The following CTNND2 variants were observed in gnomAD, a reference collection of about 807,000 sequenced individuals.
The protein encoded by CTNND2 is catenin delta 2.
Under a neutral mutation model 144.4 loss-of-function variants are expected in CTNND2, and 22 were observed. The ratio of observed to expected loss-of-function variants is 0.15; its 90% CI spans 0.11 to 0.22. CTNND2 has a LOEUF of 0.22. CTNND2 is among the 10% of genes least tolerant of loss of function. CTNND2 has a pLI of 1.00. For missense variants in CTNND2, 1,353 were observed against 1,618.8 expected (o/e 0.84, Z 2.82); for synonymous variants, 751 against 695.6 (o/e 1.08, Z -1.25).
intron 16 of CTNND2, among the ~76,000 whole-genome samples, chr5:11,054,088 A>T (rs778129058): frequency 1.1e-4 from 16 of 152,222 alleles, no homozygotes; most frequent in South Asian, 2.1e-4. Context: ...TTTTCACAGA[A>T]CAGAGGTGCT....
At chr5:11,425,209 A>G (rs980979783) in intron 3 of CTNND2, among the ~76,000 whole-genome samples, 4 of 152,208 alleles carry the variant, frequency 2.6e-5, no homozygotes, top group African/African-American at 7.2e-5. Context: ...GAGACCTCAC[A>G]CAATATACTT....
chr5:11,565,125 T>A (rs769397616), intron 2 of CTNND2, 69 bp from the exon 3 acceptor site: 1 of 1,014,406 alleles, frequency 9.9e-7, no homozygotes, highest in East Asian at 2.5e-5. Context: ...ACCAAAATAA[T>A]AGGACGGCTG....
chr5:11,163,430 T>C (rs1215757399), intron 11 of CTNND2, among the ~76,000 whole-genome samples: 2 of 152,234 alleles, frequency 1.3e-5, no homozygotes, highest in Non-Finnish European at 2.9e-5. Context: ...CACCCAAATC[T>C]GTGGCTCCTA....
intron 9 of CTNND2, among the ~76,000 whole-genome samples, chr5:11,271,586 T>C (rs1298425549): frequency 6.6e-6 from 1 of 152,192 alleles, no homozygotes; most frequent in Non-Finnish European, 1.5e-5. Context: ...CCCTGCCACC[T>C]GGACAGTAAT....
intron 6 of CTNND2, among the ~76,000 whole-genome samples, chr5:11,393,340 A>C (rs539501036): frequency 4.3e-4 from 66 of 152,316 alleles, no homozygotes; most frequent in African/African-American, 1.5e-3. Context: ...ATTCTACTGG[A>C]GAATATGCAA....
At position 11,338,924 on chromosome 5, in the gene CTNND2, A is replaced by ATTT; in HGVS notation, c.1628+7445_1628+7447dup. ...TGAGGGCTGAGTACACAGTTCCTTC[A>ATTT]TTTTTTTTTTTTTTTTTTTTTTTTT... On this transcript the variant is annotated intron_variant, in intron 9 of 21. Coordinates refer to ENST00000304623, the MANE Select transcript of CTNND2 (RefSeq NM_001332.4). Among the ~76,000 whole-genome samples the ATTT allele has an allele frequency of 3.4e-3, 14 of 4,096 alleles. 6 individuals are homozygous for ATTT. Among genetic ancestry groups the ATTT allele is most frequent in the Non-Finnish European group, 1.6e-3 (5 of 3,078 alleles). 2.7% of individuals were successfully genotyped at this position (4,096 alleles called of 152,430 possible).
At chr5:11,407,462 G>C (rs551598980) in intron 5 of CTNND2, among the ~76,000 whole-genome samples, 1 of 152,346 alleles carries the variant, frequency 6.6e-6, no homozygotes, top group African/African-American at 2.4e-5. Context: ...CAGCATAGCA[G>C]AGCAGTTACT....
intron 3 of CTNND2, among the ~76,000 whole-genome samples, chr5:11,546,288 G>GT: frequency 2.5e-5 from 1 of 40,184 alleles, no homozygotes; most frequent in African/African-American, 1.6e-4. Context: ...TCTCAATAAA[G>GT]CCTTTTTTTT....
At chr5:11,415,705 A>G (rs1270612555) in intron 3 of CTNND2, among the ~76,000 whole-genome samples, 1 of 152,160 alleles carries the variant, frequency 6.6e-6, no homozygotes, top group African/African-American at 2.4e-5. Flanking sequence ...GAGGGTGTCA[A>G]TGAAAGTCAT....
chr5:10,993,599 T>A (rs913006922), intron 18 of CTNND2, among the ~76,000 whole-genome samples: 2 of 152,334 alleles, frequency 1.3e-5, no homozygotes, highest in African/African-American at 4.8e-5. Context: ...TTAGATTTTT[T>A]ATTTTTTTCC....
chr5:11,732,906 G>T (rs1013056591), intron 1 of CTNND2, among the ~76,000 whole-genome samples: 1 of 151,862 alleles, frequency 6.6e-6, no homozygotes, highest in East Asian at 1.9e-4. Flanking sequence ...TGCCCCCTAC[G>T]TCCTGGGGAA....
At chr5:11,122,448 C>T (rs1041724327) in intron 12 of CTNND2, among the ~76,000 whole-genome samples, 2 of 151,948 alleles carry the variant, frequency 1.3e-5, no homozygotes, top group Admixed American at 6.6e-5. Flanking sequence ...GGTTGTCTTC[C>T]TATGTCTGTT....
intron 3 of CTNND2, among the ~76,000 whole-genome samples, chr5:11,421,311 A>G (rs937621996): frequency 2.8e-4 from 43 of 152,112 alleles, no homozygotes; most frequent in Non-Finnish European, 1.0e-4. Context: ...CAACCCCTTC[A>G]TTCAAGATAC....
intron 2 of CTNND2, among the ~76,000 whole-genome samples, chr5:11,682,328 G>A (rs1178697071): frequency 2.0e-5 from 3 of 152,160 alleles, no homozygotes; most frequent in Admixed American, 6.5e-5. Context: ...AGAGAAAGCC[G>A]AGGTGTTGAA....
At chr5:11,538,097 C>T (rs1219297977) in intron 3 of CTNND2, among the ~76,000 whole-genome samples, 2 of 152,214 alleles carry the variant, frequency 1.3e-5, no homozygotes, top group African/African-American at 4.8e-5. Context: ...CTATCCCTTA[C>T]TATTATTCTT....
chr5:11,740,416 C>T (rs957063263), intron 1 of CTNND2, among the ~76,000 whole-genome samples: 1 of 152,038 alleles, frequency 6.6e-6, no homozygotes, highest in Non-Finnish European at 1.5e-5. Context: ...CTTTGACAAA[C>T]CTGACAAAAA....
At chr5:11,676,328 G>A (rs113555867) in intron 2 of CTNND2, among the ~76,000 whole-genome samples, 6,658 of 152,066 alleles carry the variant, frequency 0.044, 186 homozygotes, top group African/African-American at 0.081. Flanking sequence ...AAAAAAAGAG[G>A]TGAGAAATTC....
At chr5:11,103,673 C>CA (rs1374209293) in intron 14 of CTNND2, among the ~76,000 whole-genome samples, 41 of 145,310 alleles carry the variant, frequency 2.8e-4, no homozygotes, top group African/African-American at 9.9e-4. Context: ...GTCTCAAAAG[C>CA]AAAAAACAAA....
chr5:11,624,334 A>T (rs952250405), intron 2 of CTNND2, among the ~76,000 whole-genome samples: 1 of 152,252 alleles, frequency 6.6e-6, no homozygotes, highest in East Asian at 1.9e-4. Context: ...CTTTATTCTA[A>T]AGAAATAGTT....
Sources: gnomAD v4.1 joint callset for allele counts (sites outside exome capture counted in the v4.1 genomes callset) on GRCh38, gnomAD v4.1.1 for gene constraint, MANE v1.5 for transcripts, NCBI Gene and HGNC (gene_info 2026-07-23, HGNC 2026-07-21) for gene names.